Variants in SND1 observed in about 807,000 individuals in gnomAD.
SND1 encodes the protein staphylococcal nuclease and tudor domain containing 1.
A neutral mutation model predicts 121.7 loss-of-function variants in SND1; 38 were observed. The ratio of observed to expected loss-of-function variants is 0.31; its 90% CI spans 0.24 to 0.41. The LOEUF (loss-of-function observed/expected upper bound fraction) is 0.41, where lower values mean the gene tolerates loss of function less well. SND1 is among the 10% of genes least tolerant of loss of function. SND1 has a pLI of 1.00. For synonymous variants in SND1, 401 were observed against 447.4 expected, an observed-to-expected ratio of 0.90 and a Z score of 1.31; for missense variants, 868 against 1,184.6, an observed-to-expected ratio of 0.73 and a Z score of 3.92.
chr7:127,694,684 T>C lies in SND1; in HGVS notation c.229-144T>C. The C allele has an allele frequency of 6.4e-6, 6 of 941,526 alleles. 1 individual carries two copies. In the South Asian group the frequency reaches 1.0e-4, roughly 16 times the overall value. The allele number at this position is 941,526 out of a possible 1,614,324, so 58.3% of individuals were successfully genotyped here. ...GTGTGCGATCTGCATTGTGTGCATT[T>C]CATTTTTATATTCTCAAGGTCCAGC... On this transcript the variant is annotated intron_variant, in intron 2 of 23. Transcript: ENST00000354725.
intron 16 of SND1, among the ~76,000 whole-genome samples, chr7:128,043,822 A>G (rs1321082048): frequency 2.1e-5 from 3 of 144,572 alleles, no homozygotes; most frequent in South Asian, 2.2e-4. Flanking sequence ...AATATTGTGT[A>G]TCTTTATATA....
chr7:127,831,900 T>TA (rs1419685619), intron 11 of SND1, among the ~76,000 whole-genome samples: 1 of 135,810 alleles, frequency 7.4e-6, no homozygotes, highest in Non-Finnish European at 1.7e-5. Flanking sequence ...AAGTACCTTA[T>TA]AATTGCACCT....
chr7:127,992,651 A>G (rs1024910), intron 16 of SND1, among the ~76,000 whole-genome samples: 106,208 of 152,076 alleles, frequency 0.7, 38,574 homozygotes, highest in African/African-American at 0.89. Flanking sequence ...TCTCACCATC[A>G]TTGTCTTCCT....
chr7:127,934,040 T>C (rs1350450973), intron 15 of SND1, among the ~76,000 whole-genome samples: 3 of 152,098 alleles, frequency 2.0e-5, no homozygotes, highest in African/African-American at 4.8e-5. Context: ...GATGAGAGAA[T>C]AGAATTATGG....
chr7:127,941,761 C>G (rs1249097802), intron 15 of SND1, among the ~76,000 whole-genome samples: 7 of 152,018 alleles, frequency 4.6e-5, no homozygotes, highest in African/African-American at 1.5e-4. Flanking sequence ...CCATTGCCTT[C>G]TTCATGAATG....
intron 15 of SND1, among the ~76,000 whole-genome samples, chr7:127,972,271 T>C (rs940036754): frequency 6.6e-6 from 1 of 152,034 alleles, no homozygotes; most frequent in African/African-American, 2.4e-5. Context: ...GGGGGTTGTT[T>C]TGTTTTGTTG....
intron 3 of SND1, among the ~76,000 whole-genome samples, chr7:127,695,802 A>T (rs1217418522): frequency 6.6e-6 from 1 of 152,148 alleles, no homozygotes; most frequent in African/African-American, 2.4e-5. Flanking sequence ...CTCTAGCCTG[A>T]GTGACTGAGT....
chr7:128,011,778 ATAT>A (rs1803122857), intron 16 of SND1, among the ~76,000 whole-genome samples: 1 of 152,238 alleles, frequency 6.6e-6, no homozygotes, highest in South Asian at 2.1e-4. Flanking sequence ...GAAAATGAAC[ATAT>A]TTTTTAGAGA....
chr7:128,012,641 G>T (rs1803141122), intron 16 of SND1, among the ~76,000 whole-genome samples: 1 of 152,042 alleles, frequency 6.6e-6, no homozygotes, highest in African/African-American at 2.4e-5. Flanking sequence ...GCACTATTTT[G>T]CTCTGGCTGG....
At chr7:127,824,406 C>T (rs1187142003) in intron 11 of SND1, among the ~76,000 whole-genome samples, 2 of 152,114 alleles carry the variant, frequency 1.3e-5, no homozygotes, top group Admixed American at 1.3e-4. Context: ...AATCTGTTTT[C>T]TCTCCTTGTT....
intron 6 of SND1, 30 bp downstream of exon 6, chr7:127,702,556 G>T (rs1315753251): frequency 1.3e-6 from 2 of 1,576,754 alleles, no homozygotes; most frequent in Non-Finnish European, 8.7e-7. Context: ...TACGTGGTGG[G>T]TTTAGAGTGT....
Position 127,686,743 on chromosome 7 carries a change from C to T in SND1, c.209C>T (p.Ala70Val). ...CGGGCAGCCGCCACACAACCTGATG[C>T]AAAGGATACCCCTGATGAGGTAGGT... ...ARRAAATQPD[A>V]KDTPDEPWAF... is the part of the protein sequence containing the mutation. Residue 70 changes from alanine (A) to valine (V), a missense_variant, in exon 2 of 24, where the codon GCA (alanine) becomes GTA (valine). Transcript: ENST00000354725. 2 of 1,614,158 alleles carry T rather than the reference C, an allele frequency of 1.2e-6. No homozygotes were observed. The highest frequency in any genetic ancestry group is 1.7e-6 in the Non-Finnish European group (2 of 1,179,974).
chr7:128,089,313 C>CA (rs1272501154), intron 21 of SND1, among the ~76,000 whole-genome samples, 176 bp from the exon 22 acceptor site: 2 of 152,168 alleles, frequency 1.3e-5, no homozygotes, highest in Non-Finnish European at 2.9e-5. Flanking sequence ...CTCAGCCTCC[C>CA]AAAGTGCTGG....
chr7:127,896,282 C>G (rs1301136756), intron 13 of SND1, among the ~76,000 whole-genome samples: 2 of 152,082 alleles, frequency 1.3e-5, no homozygotes, highest in Admixed American at 6.6e-5. Flanking sequence ...GCTTCTTTCA[C>G]ACAACCCAAA....
chr7:127,679,169 C>T (rs926641627), intron 1 of SND1: 3 of 152,150 alleles, frequency 2.0e-5, no homozygotes, highest in African/African-American at 7.2e-5. Context: ...CTTTTTAGAG[C>T]TTTGTAGATT....
chr7:127,830,799 C>G (rs571076916), intron 11 of SND1, among the ~76,000 whole-genome samples: 2 of 152,138 alleles, frequency 1.3e-5, no homozygotes, highest in African/African-American at 4.8e-5. Flanking sequence ...GTTCTTCCCT[C>G]CCTCTGTTCA....
chr7:127,994,133 G>A (rs1208219392), intron 16 of SND1, among the ~76,000 whole-genome samples: 1 of 152,148 alleles, frequency 6.6e-6, no homozygotes, highest in East Asian at 1.9e-4. Flanking sequence ...TCAAGCTTTA[G>A]ACAAGTCTTT....
chr7:127,940,069 G>T (rs1801160517), intron 15 of SND1, among the ~76,000 whole-genome samples: 2 of 152,064 alleles, frequency 1.3e-5, no homozygotes, highest in African/African-American at 2.4e-5. Flanking sequence ...TTCCTTTTCG[G>T]GCCCTTCTCC....
intron 16 of SND1, among the ~76,000 whole-genome samples, chr7:128,062,438 C>A (rs1793246729): frequency 6.6e-6 from 1 of 152,182 alleles, no homozygotes; most frequent in Admixed American, 6.5e-5. Flanking sequence ...CTTCCTTTCA[C>A]CCTCTGGTGC....
Sources: allele counts gnomAD v4.1 joint callset (sites outside exome capture counted in the v4.1 genomes callset), GRCh38; gene constraint gnomAD v4.1.1; transcripts MANE v1.5; gene names NCBI Gene and HGNC (gene_info 2026-07-23, HGNC 2026-07-21).